Variants in ARHGEF12 observed in about 807,000 individuals in gnomAD.
The protein encoded by ARHGEF12 is Rho guanine nucleotide exchange factor 12.
Under a neutral mutation model 211.2 loss-of-function variants are expected in ARHGEF12, and 66 were observed. The ratio of observed to expected loss-of-function variants is 0.31; its 90% CI spans 0.26 to 0.38. The LOEUF (loss-of-function observed/expected upper bound fraction) is 0.38, where lower values mean the gene tolerates loss of function less well. ARHGEF12 is among the 10% of genes least tolerant of loss of function. The probability of loss-of-function intolerance (pLI) is 1.00; values close to 1 mark genes in which losing one functional copy is unlikely to be tolerated. For synonymous variants in ARHGEF12, 592 were observed against 638.4 expected (o/e 0.93, Z 1.09); for missense variants, 1,429 against 1,869.5 (o/e 0.76, Z 4.34).
intron 1 of ARHGEF12, among the ~76,000 whole-genome samples, chr11:120,401,046 G>A (rs770135336): frequency 7.2e-5 from 11 of 152,116 alleles, no homozygotes; most frequent in Non-Finnish European, 1.5e-4. Flanking sequence ...ATAGTCCTTC[G>A]GATATAACTA....
At chr11:120,423,691 A>G (rs1455840598) in intron 6 of ARHGEF12, among the ~76,000 whole-genome samples, 4 of 152,178 alleles carry the variant, frequency 2.6e-5, no homozygotes, top group Admixed American at 1.3e-4. Flanking sequence ...TCCAAAATTA[A>G]ATGTCATAGC....
At chr11:120,466,100 T>C (rs575968634) in intron 28 of ARHGEF12, among the ~76,000 whole-genome samples, 1 of 152,344 alleles carries the variant, frequency 6.6e-6, no homozygotes, top group South Asian at 2.1e-4. Flanking sequence ...ACATGGCCGC[T>C]TGACAGATTT....
At chr11:120,351,416 T>TATATATATATATATATAA (rs1942941006) in intron 1 of ARHGEF12, among the ~76,000 whole-genome samples, 1 of 1,830 alleles carries the variant, frequency 5.5e-4, no homozygotes, top group Non-Finnish European at 8.9e-4. Flanking sequence ...GGAATATATA[T>TATATATATATATATATAA]ATATATATAT....
intron 1 of ARHGEF12, among the ~76,000 whole-genome samples, chr11:120,367,353 C>CTTTTCTTTTTTTTTTTTTTTTTT (rs1943452671): frequency 5.1e-5 from 3 of 59,350 alleles, no homozygotes; most frequent in Admixed American, 5.2e-4. Context: ...ATACTTTTTC[C>CTTTTCTTTTTTTTTTTTTTTTTT]TTTTTTTTTT....
chr11:120,393,176 C>A (rs1226665447), intron 1 of ARHGEF12, among the ~76,000 whole-genome samples: 2 of 152,104 alleles, frequency 1.3e-5, no homozygotes, highest in Non-Finnish European at 2.9e-5. Context: ...GAATGTGGTC[C>A]TTGCCTTCAA....
At chr11:120,413,791 A>C (rs187102544) in intron 4 of ARHGEF12, among the ~76,000 whole-genome samples, 1 of 152,350 alleles carries the variant, frequency 6.6e-6, no homozygotes, top group African/African-American at 2.4e-5. Flanking sequence ...GCTGATTCTT[A>C]AGAGCTGAAA....
At chr11:120,425,840 ATCT>A (rs1190872885) in intron 7 of ARHGEF12, among the ~76,000 whole-genome samples, 1 of 151,942 alleles carries the variant, frequency 6.6e-6, no homozygotes, top group African/African-American at 2.4e-5. Context: ...AGAATTTATG[ATCT>A]TCTGCATCAG....
intron 1 of ARHGEF12, among the ~76,000 whole-genome samples, chr11:120,348,440 C>A (rs2135283889): frequency 6.6e-6 from 1 of 152,272 alleles, no homozygotes; most frequent in South Asian, 2.1e-4. Flanking sequence ...GCTTCAAAAT[C>A]TGAAACTTTT....
intron 27 of ARHGEF12, among the ~76,000 whole-genome samples, chr11:120,461,818 CTTCTT>C (rs997967165): frequency 2.2e-4 from 34 of 152,170 alleles, no homozygotes; most frequent in African/African-American, 8.2e-4. Context: ...ATGGAGATGA[CTTCTT>C]TTCTTAAATC....
At chr11:120,345,713 A>C (rs1421013779) in intron 1 of ARHGEF12, among the ~76,000 whole-genome samples, 1 of 151,454 alleles carries the variant, frequency 6.6e-6, no homozygotes. Context: ...AAAAAAAAAA[A>C]AAAAAAAACG....
chr11:120,462,050 G>A (rs185646425), intron 27 of ARHGEF12, among the ~76,000 whole-genome samples: 1 of 152,190 alleles, frequency 6.6e-6, no homozygotes, highest in Admixed American at 6.5e-5. Context: ...TTTCCTTCAA[G>A]AATTTTTTCT....
intron 16 of ARHGEF12, 126 bp downstream of exon 16, chr11:120,445,590 T>G: frequency 1.0e-6 from 1 of 986,274 alleles, no homozygotes. Context: ...AGAAAGACAG[T>G]CTATAATACA....
At chr11:120,349,091 G>T (rs1001860139) in intron 1 of ARHGEF12, among the ~76,000 whole-genome samples, 7 of 152,300 alleles carry the variant, frequency 4.6e-5, no homozygotes, top group African/African-American at 1.7e-4. Flanking sequence ...AGTTGCAATT[G>T]TTAGTTGCAC....
intron 2 of ARHGEF12, among the ~76,000 whole-genome samples, chr11:120,407,469 CA>C (rs1049546947): frequency 6.6e-6 from 1 of 151,344 alleles, no homozygotes; most frequent in African/African-American, 2.4e-5. Flanking sequence ...GAAAACCACA[CA>C]AAAAAAATGT....
rs1426650315 is a variant in ARHGEF12 at position 120,347,266 on chromosome 11, C to CTCTGTGTG, written c.32+9992_32+9993insCTGTGTGT. Among the ~76,000 whole-genome samples, 811 of 133,572 alleles carry CTCTGTGTG rather than the reference C, an allele frequency of 6.1e-3. 43 individuals carry two copies. The South Asian group carries it at 0.11, about 19-fold the overall frequency. The allele number at this position is 133,572 out of a possible 152,430, so 87.6% of individuals were successfully genotyped here. ...TCTGTTTCTCTCTCTCTCTCTCTCT[C>CTCTGTGTG]TGTCTGTGTGTGTGTGTGTGTGTGT... On this transcript the variant is annotated intron_variant, in intron 1 of 40. Coordinates refer to ENST00000397843, the MANE Select transcript of ARHGEF12 (RefSeq NM_015313.3).
chr11:120,438,262 C>T (rs1385142604), intron 12 of ARHGEF12, among the ~76,000 whole-genome samples: 2 of 152,052 alleles, frequency 1.3e-5, no homozygotes, highest in East Asian at 3.9e-4. Context: ...GACTACTGCT[C>T]GAAACTAATT....
At chr11:120,364,129 C>T (rs1943356556) in intron 1 of ARHGEF12, among the ~76,000 whole-genome samples, 1 of 152,012 alleles carries the variant, frequency 6.6e-6, no homozygotes, top group African/African-American at 2.4e-5. Flanking sequence ...TTTTTGTTCC[C>T]AATACCTGGA....
chr11:120,423,166 C>T (rs1945246923), intron 6 of ARHGEF12, among the ~76,000 whole-genome samples: 1 of 152,044 alleles, frequency 6.6e-6, no homozygotes, highest in Non-Finnish European at 1.5e-5. Context: ...TGGCCAACCT[C>T]ACTGATAACA....
At chr11:120,484,606 T>C (rs1947350412) in intron 40 of ARHGEF12, 99 bp downstream of exon 40, 1 of 1,089,106 alleles carries the variant, frequency 9.2e-7, no homozygotes, top group Middle Eastern at 2.0e-4. Flanking sequence ...GAGATTCCAT[T>C]TCTCTTCTGT....
Sources: gnomAD v4.1 joint callset for allele counts (sites outside exome capture counted in the v4.1 genomes callset) on GRCh38, gnomAD v4.1.1 for gene constraint, MANE v1.5 for transcripts, NCBI Gene and HGNC (gene_info 2026-07-23, HGNC 2026-07-21) for gene names.